Variants in TOX observed in about 807,000 individuals in gnomAD.
TOX encodes thymocyte selection-associated high mobility group box protein TOX.
Under a neutral mutation model 53.7 loss-of-function variants are expected in TOX, and 11 were observed. The observed-to-expected ratio is 0.20, with a 90% confidence interval of 0.13 to 0.34. The LOEUF (loss-of-function observed/expected upper bound fraction) is 0.34. Among genes scored for constraint, TOX ranks in the 10% least tolerant of loss-of-function variants. The pLI is 1.00. For missense variants in TOX, 570 were observed against 664.6 expected (o/e 0.86, Z 1.56); for synonymous variants, 225 against 245.3 (o/e 0.92, Z 0.77).
Position 58,851,940 on chromosome 8 carries a change from AT to A in TOX, c.412-136del, listed in dbSNP as rs1810832786. 1.3e-6 allele frequency: 1 copy of A among 772,050 alleles called. No individual in the cohort carries two copies. Among genetic ancestry groups the A allele is most frequent in the Admixed American group, 4.2e-5 (1 of 23,866 alleles). The allele number at this position is 772,050 out of a possible 1,614,324, so 47.8% of individuals were successfully genotyped here. ...GTTCTGCTGAGTTACATACACATTT[AT>A]TTTATCTGGGGTAAAATAATCCTAA... is the stretch of plus-strand genomic sequence containing the variant. On this transcript the variant is annotated intron_variant, in intron 3 of 8. Coordinates refer to ENST00000361421, the MANE Select transcript of TOX (RefSeq NM_014729.3). This position sits in a 1 kb window ranked among gnomAD's most constrained non-coding sequence, Gnocchi z 4.4.
At chr8:59,043,761 C>T (rs1433111195) in intron 1 of TOX, among the ~76,000 whole-genome samples, 1 of 152,200 alleles carries the variant, frequency 6.6e-6, no homozygotes, top group Non-Finnish European at 1.5e-5. Context: ...CCGAGTAGTG[C>T]TATCATGCTT....
Position 58,939,392 on chromosome 8 carries a change from T to C in TOX, c.321A>G (p.Pro107=). Residue 107 remains proline (P), a synonymous_variant, in exon 3 of 9, where the codon CCA becomes CCG. Transcript: ENST00000361421. ...GGAGGTCCATGTTTTGTGGATGAAA[T>C]GGTAGCAGGCCATTATGGTTCATGG... ...CHPMNHNGLL[P]FHPQNMDLPE... is the part of the protein sequence containing the mutation. 6.2e-7 allele frequency: 1 copy of C among 1,614,034 alleles called. No individual in the cohort carries two copies. The highest frequency in any genetic ancestry group is 8.5e-7 in the Non-Finnish European group (1 of 1,180,006).
chr8:59,067,373 G>T lies in TOX; in HGVS notation c.102+51513C>A, dbSNP rs566061890. Among the ~76,000 whole-genome samples, 211 of 152,130 alleles carry T rather than the reference G, an allele frequency of 1.4e-3. 2 individuals are homozygous for T. Among genetic ancestry groups the T allele is most frequent in the Non-Finnish European group, 1.6e-3 (108 of 67,988 alleles). On this transcript the variant is annotated intron_variant, in intron 1 of 8. Transcript: ENST00000361421. ...GTTTGATACCAGCCTGGCCAACATG[G>T]TGAAACCCCATCTCTACTAAAAATA...
At chr8:58,832,022 C>A (rs563417086) in intron 5 of TOX, among the ~76,000 whole-genome samples, 17 of 151,414 alleles carry the variant, frequency 1.1e-4, no homozygotes, top group African/African-American at 3.6e-4. Context: ...GGTCTCTGAG[C>A]GTATGAATAT....
chr8:59,085,413 G>A (rs1804489855), intron 1 of TOX, among the ~76,000 whole-genome samples: 1 of 151,798 alleles, frequency 6.6e-6, no homozygotes, highest in Non-Finnish European at 1.5e-5. Flanking sequence ...TTTTAAGACA[G>A]GGTCTTACTC....
intron 5 of TOX, among the ~76,000 whole-genome samples, chr8:58,830,714 A>C (rs1412554320): frequency 6.6e-6 from 1 of 152,112 alleles, no homozygotes; most frequent in East Asian, 1.9e-4. Flanking sequence ...AGTTTATTTT[A>C]ACAGTCTTTA....
chr8:58,943,490 C>G (rs558838880), intron 2 of TOX, among the ~76,000 whole-genome samples: 89 of 152,052 alleles, frequency 5.9e-4, no homozygotes, highest in Non-Finnish European at 1.0e-3. Flanking sequence ...TCCCTCAAGA[C>G]TCAGTGAGGC....
At chr8:59,076,631 T>C (rs1325300576) in intron 1 of TOX, among the ~76,000 whole-genome samples, 3 of 152,248 alleles carry the variant, frequency 2.0e-5, no homozygotes, top group Non-Finnish European at 4.4e-5. Context: ...TGATTTTTTA[T>C]GTTGCTAATT....
At chr8:59,009,465 C>T (rs952969217) in intron 1 of TOX, among the ~76,000 whole-genome samples, 9 of 152,024 alleles carry the variant, frequency 5.9e-5, no homozygotes, top group Non-Finnish European at 1.3e-4. Context: ...CTCCGCCTCC[C>T]GGGTTCAAGC....
intron 4 of TOX, among the ~76,000 whole-genome samples, chr8:58,841,905 C>G (rs906957335): frequency 6.6e-6 from 1 of 152,062 alleles, no homozygotes; most frequent in Non-Finnish European, 1.5e-5. Flanking sequence ...GGAATATTAC[C>G]TAGACTCATT....
intron 1 of TOX, among the ~76,000 whole-genome samples, chr8:59,093,454 T>G (rs1443491378): frequency 1.3e-5 from 2 of 152,256 alleles, no homozygotes; most frequent in African/African-American, 4.8e-5. Context: ...ATGTGTTTTA[T>G]CTGACATGGC....
intron 3 of TOX, among the ~76,000 whole-genome samples, chr8:58,926,077 GA>G (rs534497382): frequency 4.0e-4 from 61 of 152,184 alleles, no homozygotes; most frequent in Non-Finnish European, 8.8e-4. Flanking sequence ...GAATTACCAT[GA>G]AAACCTCACA....
intron 5 of TOX, among the ~76,000 whole-genome samples, chr8:58,832,247 G>T (rs1205360944): frequency 6.7e-6 from 1 of 149,502 alleles, no homozygotes; most frequent in African/African-American, 2.4e-5. Context: ...TTACAAGTAT[G>T]CTCACCATTT....
At chr8:58,821,975 G>A (rs992930842) in intron 6 of TOX, among the ~76,000 whole-genome samples, 9 of 152,126 alleles carry the variant, frequency 5.9e-5, no homozygotes, top group Non-Finnish European at 8.8e-5. Flanking sequence ...GTATGATAGA[G>A]GTGGCACTTT....
chr8:58,882,229 CAAG>C (rs1798962460), intron 3 of TOX, among the ~76,000 whole-genome samples: 2 of 152,178 alleles, frequency 1.3e-5, no homozygotes, highest in South Asian at 4.1e-4. Context: ...AAGAATGTAA[CAAG>C]AAGATCATCC....
chr8:58,852,959 G>A (rs1320148363), intron 3 of TOX, among the ~76,000 whole-genome samples: 1 of 152,166 alleles, frequency 6.6e-6, no homozygotes, highest in Non-Finnish European at 1.5e-5. Flanking sequence ...GGCAAATTAA[G>A]TAACCTAGTC....
At chr8:58,897,773 A>G (rs185204733) in intron 3 of TOX, among the ~76,000 whole-genome samples, 1 of 151,246 alleles carries the variant, frequency 6.6e-6, no homozygotes, top group African/African-American at 2.4e-5. Flanking sequence ...TGTAATTTTC[A>G]TGAATGATAA....
chr8:59,038,202 T>C (rs898875282), intron 1 of TOX, among the ~76,000 whole-genome samples: 15 of 152,230 alleles, frequency 9.9e-5, no homozygotes, highest in African/African-American at 2.9e-4. Flanking sequence ...TTTCGATCTG[T>C]CATAACAGTT....
intron 2 of TOX, among the ~76,000 whole-genome samples, chr8:58,955,927 G>T (rs1004906551): frequency 6.6e-6 from 1 of 151,876 alleles, no homozygotes; most frequent in Non-Finnish European, 1.5e-5. Flanking sequence ...TAGAGATGGG[G>T]CTTTGCTATG....
Sources: gnomAD v4.1 joint callset for allele counts (sites outside exome capture counted in the v4.1 genomes callset) on GRCh38, gnomAD v4.1.1 for gene constraint, Gnocchi (gnomAD v3.1) non-coding constraint, MANE v1.5 for transcripts, NCBI Gene and HGNC (gene_info 2026-07-23, HGNC 2026-07-21) for gene names.